Variants in PITPNM2 observed in about 807,000 individuals in gnomAD.
PITPNM2 encodes the protein membrane-associated phosphatidylinositol transfer protein 2.
Under a neutral mutation model 132.2 loss-of-function variants are expected in PITPNM2, and 35 were observed. The ratio of observed to expected loss-of-function variants is 0.26; its 90% CI spans 0.20 to 0.35. The LOEUF (loss-of-function observed/expected upper bound fraction) is 0.35. Ranked by LOEUF, PITPNM2 falls within the 10% of genes least tolerant of loss-of-function variation. PITPNM2 has a pLI of 1.00. For synonymous variants in PITPNM2, 738 were observed against 799.2 expected (o/e 0.92, Z 1.29); for missense variants, 1,332 against 1,912.0 (o/e 0.70, Z 5.66).
At chr12:123,115,080 C>T (rs753470516) in intron 1 of PITPNM2, among the ~76,000 whole-genome samples, 27 of 152,196 alleles carry the variant, frequency 1.8e-4, no homozygotes, top group Non-Finnish European at 2.6e-4. Flanking sequence ...TCCTCTCACC[C>T]GCCCACCTCC....
chr12:123,050,597 G>C (rs2040825841), intron 2 of PITPNM2, among the ~76,000 whole-genome samples: 1 of 152,302 alleles, frequency 6.6e-6, no homozygotes, highest in East Asian at 1.9e-4. Context: ...GGACCTAGAG[G>C]ACAACGAAAG....
At position 123,108,851 on chromosome 12, in the gene PITPNM2, G is replaced by A. The variant is rs957022655; in HGVS notation, c.-96+1534C>T. Among the ~76,000 whole-genome samples, 1 of 152,112 alleles carries A rather than the reference G, an allele frequency of 6.6e-6. No homozygotes were observed. The highest frequency in any genetic ancestry group is 2.4e-5 in the African/African-American group (1 of 41,426). On this transcript the variant is annotated intron_variant, in intron 2 of 25. Transcript: ENST00000320201. This position sits in a 1 kb window ranked among gnomAD's most constrained non-coding sequence, Gnocchi z 4.4. ...ATGAGGGCACCCGGAGAAGGGAAGG[G>A]ACTTACCCGAGATCAGACAGCAAGT...
chr12:122,997,861 A>AC (rs2038497660), intron 10 of PITPNM2, among the ~76,000 whole-genome samples: 2 of 152,152 alleles, frequency 1.3e-5, no homozygotes, highest in African/African-American at 4.8e-5. Context: ...GGCACAGAGG[A>AC]CATGGAGGGA....
At chr12:123,054,927 G>A (rs757849860) in intron 2 of PITPNM2, among the ~76,000 whole-genome samples, 2 of 152,128 alleles carry the variant, frequency 1.3e-5, no homozygotes, top group African/African-American at 2.4e-5. Flanking sequence ...AGCCCGGCAT[G>A]GTGGGATACG....
intron 3 of PITPNM2, among the ~76,000 whole-genome samples, chr12:123,015,331 G>A (rs986806582): frequency 6.6e-6 from 1 of 151,534 alleles, no homozygotes; most frequent in African/African-American, 2.4e-5. Context: ...GCACTGGATA[G>A]GATAGACAAA....
At chr12:122,997,991 C>T (rs1438001247) in intron 10 of PITPNM2, among the ~76,000 whole-genome samples, 2 of 152,222 alleles carry the variant, frequency 1.3e-5, no homozygotes, top group Non-Finnish European at 2.9e-5. Flanking sequence ...GCCTTGGGGG[C>T]TGCCTGCCCT....
chr12:122,992,661 G>T lies in PITPNM2; in HGVS notation c.2242C>A (p.Leu748Met), dbSNP rs1262514492. 2 of 1,558,772 alleles carry T rather than the reference G, an allele frequency of 1.3e-6. No homozygotes were observed. The highest frequency in any genetic ancestry group is 1.2e-5 in the South Asian group (1 of 83,682). The change falls in exon 16 of 26, where the codon CTG (leucine) becomes ATG (methionine). Residue 748 changes from leucine to methionine, a missense_variant. This residue lies in a region of PITPNM2 where 710 missense variants were observed against 911.5 expected (regional missense o/e 0.78). Coordinates refer to ENST00000320201, the MANE Select transcript of PITPNM2 (RefSeq NM_020845.3). This position sits in a 1 kb window ranked among gnomAD's most constrained non-coding sequence, Gnocchi z 6.5. ...TAGACTTGCTGGCAGGCCGGCCGCA[G>T]CTGGAAAACTGGGGGTGGGGGTGTT... ...TVIPALDVFQLRPACQQVYNL... is the reference protein window; with the variant it reads ...TVIPALDVFQMRPACQQVYNL...
Position 123,077,584 on chromosome 12 carries a change from C to T in PITPNM2, c.-96+32801G>A, listed in dbSNP as rs1236717673. On this transcript the variant is annotated intron_variant, in intron 2 of 25. Coordinates refer to ENST00000320201, the MANE Select transcript of PITPNM2 (RefSeq NM_020845.3). This position sits in a 1 kb window ranked among gnomAD's most constrained non-coding sequence, Gnocchi z 4.8. ...CAGGAGGCAGGAGTCGAGCTACTCA[C>T]AGACTCCCTAGAGGAGAACTCCACG... Among the ~76,000 whole-genome samples the T allele has an allele frequency of 3.3e-5, 5 of 152,278 alleles. No homozygotes were observed. In the East Asian group the frequency reaches 9.7e-4, roughly 29 times the overall value.
chr12:123,110,953 C>T (rs1200075372), intron 1 of PITPNM2, among the ~76,000 whole-genome samples: 2 of 152,342 alleles, frequency 1.3e-5, no homozygotes, highest in East Asian at 3.9e-4. Context: ...GGGACAGGGG[C>T]ATGGTCATAT....
chr12:123,060,434 T>C (rs891872305), intron 2 of PITPNM2, among the ~76,000 whole-genome samples: 4 of 152,154 alleles, frequency 2.6e-5, no homozygotes, highest in African/African-American at 9.7e-5. Flanking sequence ...AGAGCCACCT[T>C]GGCAGTAAAG....
intron 2 of PITPNM2, among the ~76,000 whole-genome samples, chr12:123,103,313 T>C (rs577389428): frequency 6.6e-6 from 1 of 152,346 alleles, no homozygotes; most frequent in African/African-American, 2.4e-5. Context: ...TGTTAGCTCC[T>C]TGACAGCAAG....
At chr12:123,057,849 G>C (rs1186506172) in intron 2 of PITPNM2, among the ~76,000 whole-genome samples, 3 of 152,234 alleles carry the variant, frequency 2.0e-5, no homozygotes. Context: ...CACAGAGGAG[G>C]AGGTACAGCT....
At chr12:123,062,376 A>C (rs944943620) in intron 2 of PITPNM2, among the ~76,000 whole-genome samples, 1 of 152,156 alleles carries the variant, frequency 6.6e-6, no homozygotes, top group African/African-American at 2.4e-5. Flanking sequence ...CAGGAATACT[A>C]AAAATATCTA....
At chr12:123,019,463 C>G (rs2039582219) in intron 3 of PITPNM2, among the ~76,000 whole-genome samples, 1 of 152,146 alleles carries the variant, frequency 6.6e-6, no homozygotes, top group Non-Finnish European at 1.5e-5. Context: ...CTCAGAGCAC[C>G]CCACCTTTAG....
At chr12:123,029,854 T>C (rs898076661) in intron 3 of PITPNM2, among the ~76,000 whole-genome samples, 60 of 150,320 alleles carry the variant, frequency 4.0e-4, no homozygotes, top group African/African-American at 1.4e-3. Context: ...TGTGTGTGTG[T>C]GTGCACTAGA....
At chr12:123,096,636 C>T (rs1056407658) in intron 2 of PITPNM2, among the ~76,000 whole-genome samples, 10 of 152,096 alleles carry the variant, frequency 6.6e-5, no homozygotes, top group East Asian at 1.9e-4. Flanking sequence ...GCCACAGGCC[C>T]GGGGGCATCT....
chr12:123,017,679 G>A (rs1191661577), intron 3 of PITPNM2, among the ~76,000 whole-genome samples: 2 of 152,228 alleles, frequency 1.3e-5, no homozygotes, highest in African/African-American at 4.8e-5. Context: ...ATATTATTCA[G>A]TCACAAAGAG....
chr12:123,013,798 G>GGAGGCAC, intron 4 of PITPNM2, 30 bp downstream of exon 4: 1 of 1,602,584 alleles, frequency 6.2e-7, no homozygotes, highest in Non-Finnish European at 8.5e-7. Flanking sequence ...TGTGGAGGTG[G>GGAGGCAC]GAGGCACATG....
At chr12:123,065,926 TGCTTCCCAGA>T (rs1229232245) in intron 2 of PITPNM2, among the ~76,000 whole-genome samples, 2 of 152,208 alleles carry the variant, frequency 1.3e-5, no homozygotes, top group South Asian at 2.1e-4. Context: ...ATGCAGGAAG[TGCTTCCCAGA>T]GCAAGATTGT....
Sources: allele counts gnomAD v4.1 joint callset (sites outside exome capture counted in the v4.1 genomes callset), GRCh38; gene constraint gnomAD v4.1.1; regional missense constraint gnomAD v4.1.1; non-coding constraint Gnocchi (gnomAD v3.1); transcripts MANE v1.5; gene names NCBI Gene and HGNC (gene_info 2026-07-23, HGNC 2026-07-21).